Variants in SNTB2 observed in about 807,000 individuals in gnomAD.
SNTB2 encodes the protein beta-2-syntrophin.
In SNTB2, 34 loss-of-function variants were observed where a neutral mutation model predicts 46.2. That is an observed-to-expected ratio of 0.74 (90% CI 0.56 to 0.98). The LOEUF is 0.98. SNTB2 is among the 50% of genes least tolerant of loss of function. The pLI, the probability that SNTB2 is intolerant of heterozygous loss-of-function variation, is 0.00. For missense variants in SNTB2, 603 were observed against 731.4 expected (o/e 0.82, Z 2.02); for synonymous variants, 290 against 312.6 (o/e 0.93, Z 0.76).
chr16:69,250,235 T>G (rs1964713308), intron 2 of SNTB2, among the ~76,000 whole-genome samples: 1 of 152,226 alleles, frequency 6.6e-6, no homozygotes, highest in African/African-American at 2.4e-5. Flanking sequence ...ACAAGGAGTT[T>G]GCAAAAAATA....
intron 1 of SNTB2, among the ~76,000 whole-genome samples, chr16:69,195,234 A>G (rs772894064): frequency 6.6e-6 from 1 of 152,134 alleles, no homozygotes; most frequent in Non-Finnish European, 1.5e-5. Context: ...ATAGACGTAT[A>G]TGATTTATTT....
chr16:69,297,943 C>T (rs138682490), intron 5 of SNTB2, among the ~76,000 whole-genome samples: 3 of 152,072 alleles, frequency 2.0e-5, no homozygotes, highest in Non-Finnish European at 4.4e-5. Flanking sequence ...ATCTCTAAAT[C>T]TCTCTTTTTA....
intron 1 of SNTB2, among the ~76,000 whole-genome samples, chr16:69,193,106 C>CCTAGGCAGGTGTGGTTGGTCA (rs1252154222): frequency 6.6e-6 from 1 of 151,804 alleles, no homozygotes; most frequent in Non-Finnish European, 1.5e-5. Flanking sequence ...AAATGTTACA[C>CCTAGGCAGGTGTGGTTGGTCA]CTAGGCAGGT....
At chr16:69,286,174 C>T (rs1157988353) in intron 5 of SNTB2, among the ~76,000 whole-genome samples, 1 of 152,170 alleles carries the variant, frequency 6.6e-6, no homozygotes, top group African/African-American at 2.4e-5. Flanking sequence ...CTGGTCTCAA[C>T]TCCTGGCTTC....
At chr16:69,227,002 T>C (rs887079670) in intron 1 of SNTB2, among the ~76,000 whole-genome samples, 4 of 152,220 alleles carry the variant, frequency 2.6e-5, no homozygotes, top group African/African-American at 4.8e-5. Flanking sequence ...ATAGAGTCTA[T>C]GTGACAACCT....
intron 1 of SNTB2, chr16:69,191,225 A>G: frequency 6.7e-6 from 1 of 149,962 alleles, no homozygotes. Flanking sequence ...TAGCTTTAAA[A>G]AAAAAAAAAG....
chr16:69,250,479 TA>T (rs1964715451), intron 2 of SNTB2, among the ~76,000 whole-genome samples: 1 of 152,262 alleles, frequency 6.6e-6, no homozygotes, highest in South Asian at 2.1e-4. Context: ...AAGTTATTAT[TA>T]TAGGCATTGT....
chr16:69,215,736 C>A (rs181028152), intron 1 of SNTB2, among the ~76,000 whole-genome samples: 3 of 152,212 alleles, frequency 2.0e-5, no homozygotes, highest in Non-Finnish European at 2.9e-5. Flanking sequence ...TTGCTTTATG[C>A]GCTTTATCTC....
chr16:69,265,246 CAAAAG>C (rs1362976385), intron 3 of SNTB2, among the ~76,000 whole-genome samples: 1 of 152,004 alleles, frequency 6.6e-6, no homozygotes, highest in Non-Finnish European at 1.5e-5. Flanking sequence ...GAGACTCTGT[CAAAAG>C]AAAAGAAAAG....
At chr16:69,277,362 C>G (rs79434985) in intron 4 of SNTB2, among the ~76,000 whole-genome samples, 4,646 of 152,204 alleles carry the variant, frequency 0.031, 112 homozygotes, top group Non-Finnish European at 0.048. Flanking sequence ...TATAATGAAC[C>G]ATTTTTAACA....
At chr16:69,213,893 A>C (rs1332848700) in intron 1 of SNTB2, among the ~76,000 whole-genome samples, 3 of 115,856 alleles carry the variant, frequency 2.6e-5, no homozygotes, top group African/African-American at 3.5e-5. Flanking sequence ...CATGATCTCG[A>C]CTCACTGCAA....
intron 5 of SNTB2, among the ~76,000 whole-genome samples, chr16:69,291,995 G>A (rs1457357323): frequency 1.3e-5 from 2 of 151,776 alleles, no homozygotes; most frequent in Non-Finnish European, 2.9e-5. Context: ...CGAGGTGGGC[G>A]GATCATGAGG....
intron 2 of SNTB2, among the ~76,000 whole-genome samples, chr16:69,249,490 GCTAC>G (rs1964704937): frequency 6.6e-6 from 1 of 152,158 alleles, no homozygotes; most frequent in Non-Finnish European, 1.5e-5. Context: ...TAAACGTTGT[GCTAC>G]TTCGTCATTC....
chr16:69,240,101 T>C (rs1964596571), intron 1 of SNTB2, among the ~76,000 whole-genome samples: 1 of 152,194 alleles, frequency 6.6e-6, no homozygotes, highest in Non-Finnish European at 1.5e-5. Flanking sequence ...GTGTACAGGC[T>C]TTTGTGTGAA....
At chr16:69,210,808 T>C (rs1459563030) in intron 1 of SNTB2, among the ~76,000 whole-genome samples, 2 of 151,920 alleles carry the variant, frequency 1.3e-5, no homozygotes, top group East Asian at 1.9e-4. Context: ...GCATGGCCAA[T>C]ATGGGGAAAC....
intron 3 of SNTB2, among the ~76,000 whole-genome samples, chr16:69,264,551 A>G (rs984812023): frequency 6.6e-6 from 1 of 152,238 alleles, no homozygotes; most frequent in Non-Finnish European, 1.5e-5. Context: ...AAAAGCAAGC[A>G]TCACTATTGA....
rs1965286158 is a variant in SNTB2 at position 69,302,774 on chromosome 16, C to A, written c.*1850C>A. 1 of 152,208 alleles carries A rather than the reference C, an allele frequency of 6.6e-6. No homozygotes were observed. The highest frequency in any genetic ancestry group is 2.1e-4 in the South Asian group (1 of 4,834). The allele number at this position is 152,208 out of a possible 1,614,324, so 9.4% of individuals were successfully genotyped here. A position where few individuals can be genotyped will look rare whatever the true frequency, so the allele number is the denominator to read the frequency against. ...AAGTTCCAAAAATGAATTATCTGAA[C>A]TGCTTAAAACTGGAAATTAAAATCT... On this transcript the variant is annotated 3_prime_UTR_variant, in exon 7 of 7. Transcript: ENST00000336278.
intron 3 of SNTB2, among the ~76,000 whole-genome samples, chr16:69,266,830 C>T (rs981339618): frequency 1.3e-5 from 2 of 152,166 alleles, no homozygotes; most frequent in African/African-American, 4.8e-5. Context: ...GATCCTCCCA[C>T]CTCAGTCTCC....
intron 5 of SNTB2, among the ~76,000 whole-genome samples, chr16:69,285,422 C>T (rs1435191880): frequency 1.4e-5 from 2 of 146,294 alleles, no homozygotes; most frequent in Non-Finnish European, 3.0e-5. Context: ...TGGCATGATC[C>T]ATCATAGCTC....
Sources: allele counts gnomAD v4.1 joint callset (sites outside exome capture counted in the v4.1 genomes callset), GRCh38; gene constraint gnomAD v4.1.1; transcripts MANE v1.5; gene names NCBI Gene and HGNC (gene_info 2026-07-23, HGNC 2026-07-21).